Variants in SPATA21 observed in about 807,000 individuals in gnomAD.
SPATA21 encodes spermatogenesis associated 21, also known as spermatogenesis-associated protein 21.
Under a neutral mutation model 54.8 loss-of-function variants are expected in SPATA21, and 47 were observed. The observed-to-expected ratio is 0.86, with a 90% CI of 0.68 to 1.09. SPATA21 has a LOEUF of 1.09. SPATA21 is among the 50% of genes least tolerant of loss of function. The probability of loss-of-function intolerance (pLI) is 0.00; values close to 1 mark genes in which losing one functional copy is unlikely to be tolerated. For synonymous variants in SPATA21, 245 were observed against 235.3 expected, an observed-to-expected ratio of 1.04 and a Z score of -0.38; for missense variants, 599 against 596.4, an observed-to-expected ratio of 1.00 and a Z score of -0.05.
intron 11 of SPATA21, 106 bp from the exon 12 acceptor site, chr1:16,399,627 G>T: frequency 7.6e-7 from 1 of 1,314,408 alleles, no homozygotes; most frequent in Non-Finnish European, 1.0e-6. Flanking sequence ...TGACCTGAGT[G>T]GTTTGGGGCA....
chr1:16,404,803 C>T (rs1201699407), intron 8 of SPATA21, among the ~76,000 whole-genome samples, 164 bp downstream of exon 8: 2 of 152,188 alleles, frequency 1.3e-5, no homozygotes, highest in Admixed American at 6.5e-5. Flanking sequence ...AACCAGACCT[C>T]GTCTCAAACA....
rs531936056 is a variant in SPATA21, at chr1:16,409,474, A to G, written c.587+127T>C. The G allele has an allele frequency of 3.1e-5, 32 of 1,023,008 alleles. No individual in the cohort carries two copies. The East Asian group carries it at 7.5e-4, about 24-fold the overall frequency. 63.4% of individuals were successfully genotyped at this position (1,023,008 alleles called of 1,614,324 possible). ...GGGAGATGCGGAGAGGAGACACATG[A>G]GGAGAAATGGAGAGAGGGGGACACA... On this transcript the variant is annotated intron_variant, in intron 6 of 12. Transcript: ENST00000335496. The surrounding 1 kb of genome is among the most constrained non-coding windows in gnomAD (Gnocchi z 4.1).
chr1:16,421,444 C>T lies in SPATA21; in HGVS notation c.144+65G>A. ...CCACATCCGCTTCTGCCCTCTTCCTCCTCCTGATCCCCCCTGCCTTTCTCC... is the reference window on the plus strand; with the variant it reads ...CCACATCCGCTTCTGCCCTCTTCCTTCTCCTGATCCCCCCTGCCTTTCTCC... On this transcript the variant is annotated intron_variant, in intron 5 of 12. Coordinates refer to ENST00000335496, the MANE Select transcript of SPATA21 (RefSeq NM_198546.1). This position sits in a 1 kb window ranked among gnomAD's most constrained non-coding sequence, Gnocchi z 5.2. The T allele has an allele frequency of 6.7e-7, 1 of 1,483,308 alleles. No individual in the cohort carries two copies. The highest frequency in any genetic ancestry group is 1.3e-5 in the South Asian group (1 of 79,408). The allele number at this position is 1,483,308 out of a possible 1,614,324, so 91.9% of individuals were successfully genotyped here. A position where few individuals can be genotyped will look rare whatever the true frequency, so the allele number is the denominator to read the frequency against.
chr1:16,402,236 C>G (rs1438625899), intron 10 of SPATA21, among the ~76,000 whole-genome samples: 1 of 123,930 alleles, frequency 8.1e-6, no homozygotes, highest in African/African-American at 3.0e-5. Flanking sequence ...TCTGGCAGTT[C>G]TGAGCTGCCA....
chr1:16,400,621 C>T (rs1202700498), intron 11 of SPATA21, 99 bp downstream of exon 11: 3 of 1,508,600 alleles, frequency 2.0e-6, no homozygotes, highest in South Asian at 1.4e-5. Context: ...CTCTCAGCTC[C>T]CTTGGCCTGG....
Position 16,409,980 on chromosome 1 carries a change from C to T in SPATA21, c.208G>A (p.Ala70Thr), listed in dbSNP as rs373469312. 2.0e-5 allele frequency: 32 copies of T among 1,606,068 alleles called. No individual in the cohort carries two copies. The highest frequency in any genetic ancestry group is 8.5e-5 in the Admixed American group (5 of 58,610). The change falls in exon 6 of 13, where the codon GCG becomes ACG. Residue 70 changes from alanine (A) to threonine (T), a missense_variant. Transcript: ENST00000335496. The surrounding 1 kb of genome is among the most constrained non-coding windows in gnomAD (Gnocchi z 4.1). Reference protein sequence around the residue: ...DRAQQQPQKPAVAAGTQSLGN... With the variant: ...DRAQQQPQKPTVAAGTQSLGN... Reference sequence around the variant, plus strand: ...AGGCTCTGTGTCCCTGCAGCCACCGCGGGCTTCTGAGGCTGCTGCTGCGCA... The same window carrying T: ...AGGCTCTGTGTCCCTGCAGCCACCGTGGGCTTCTGAGGCTGCTGCTGCGCA...
At chr1:16,418,194 G>A (rs144136538) in intron 5 of SPATA21, among the ~76,000 whole-genome samples, 43 of 152,340 alleles carry the variant, frequency 2.8e-4, no homozygotes, top group African/African-American at 1.0e-3. Flanking sequence ...TCCAGCCCAC[G>A]CTTTGCATGG....
At chr1:16,425,205 C>T (rs1191923580) in intron 3 of SPATA21, 3 of 512,412 alleles carry the variant, frequency 5.9e-6, no homozygotes, top group South Asian at 3.1e-5. Context: ...AGCCACCATG[C>T]CCGGCCTGGA....
chr1:16,435,990 C>A (rs1046106610), intron 1 of SPATA21, among the ~76,000 whole-genome samples: 4 of 152,224 alleles, frequency 2.6e-5, no homozygotes, highest in South Asian at 2.1e-4. Flanking sequence ...CGGTGGCTCA[C>A]ACCTGTAATC....
At chr1:16,408,834 C>A (rs1328647020) in intron 7 of SPATA21, 2 of 283,126 alleles carry the variant, frequency 7.1e-6, no homozygotes, top group Non-Finnish European at 1.3e-5. Context: ...CGCACCACTG[C>A]ACTCCAGCCT....
intron 3 of SPATA21, among the ~76,000 whole-genome samples, chr1:16,424,193 A>G (rs866148019): frequency 2.1e-4 from 2 of 9,506 alleles, no homozygotes; most frequent in African/African-American, 3.9e-4. Flanking sequence ...CACACCTGTA[A>G]TCCCAGCACT....
chr1:16,404,885 A>G, intron 8 of SPATA21, 82 bp downstream of exon 8: 1 of 1,418,192 alleles, frequency 7.1e-7, no homozygotes, highest in Non-Finnish European at 9.3e-7. Context: ...CTTTAGGTGC[A>G]GAGCCTCATG....
At chr1:16,416,668 G>A (rs1024326550) in intron 5 of SPATA21, among the ~76,000 whole-genome samples, 3 of 135,868 alleles carry the variant, frequency 2.2e-5, no homozygotes, top group African/African-American at 5.5e-5. Flanking sequence ...GCGACAGAGA[G>A]AGACTCCATC....
intron 10 of SPATA21, among the ~76,000 whole-genome samples, chr1:16,401,645 C>T (rs2085451552): frequency 6.6e-6 from 1 of 152,168 alleles, no homozygotes; most frequent in African/African-American, 2.4e-5. Context: ...TGTGCAAGTA[C>T]TTATCTGTGC....
At chr1:16,427,859 C>CT in intron 3 of SPATA21, 1 of 1,545,866 alleles carries the variant, frequency 6.5e-7, no homozygotes, top group Non-Finnish European at 8.7e-7. Flanking sequence ...AGCCCCTCAG[C>CT]TCACCCTGGT....
At chr1:16,432,445 C>A (rs1320470203) in intron 2 of SPATA21, among the ~76,000 whole-genome samples, 1 of 152,028 alleles carries the variant, frequency 6.6e-6, no homozygotes, top group Non-Finnish European at 1.5e-5. Context: ...TTCATCTCTC[C>A]TCCACCTCTT....
In SPATA21 at chr1:16,422,080, C is replaced by T. The variant is rs2086189336; in HGVS notation, c.35-109G>A. 1.9e-6 allele frequency: 3 copies of T among 1,590,964 alleles called. No individual in the cohort carries two copies. In the East Asian group the frequency reaches 6.7e-5, roughly 36 times the overall value. ...TGTGGCCTGATGTGTGGGACACCTGCCTCCTTGGGGTGCTTGCCTCCCAGT... is the reference window on the plus strand; with the variant it reads ...TGTGGCCTGATGTGTGGGACACCTGTCTCCTTGGGGTGCTTGCCTCCCAGT... On this transcript the variant is annotated intron_variant, in intron 3 of 12. Transcript: ENST00000335496.
At chr1:16,404,836 T>C in intron 8 of SPATA21, 131 bp downstream of exon 8, 2 of 1,061,374 alleles carry the variant, frequency 1.9e-6, no homozygotes, top group Non-Finnish European at 2.6e-6. Context: ...AAGGCATTTC[T>C]AGACTGTGAC....
At chr1:16,407,855 T>C (rs1456874396) in intron 7 of SPATA21, among the ~76,000 whole-genome samples, 1 of 152,166 alleles carries the variant, frequency 6.6e-6, no homozygotes, top group Non-Finnish European at 1.5e-5. Flanking sequence ...AACCTCGAAC[T>C]CCTGAGCTCA....
Sources: allele counts gnomAD v4.1 joint callset (sites outside exome capture counted in the v4.1 genomes callset), GRCh38; gene constraint gnomAD v4.1.1; non-coding constraint Gnocchi (gnomAD v3.1); transcripts MANE v1.5; gene names NCBI Gene and HGNC (gene_info 2026-07-23, HGNC 2026-07-21).